Variants in EPHA6 observed in about 807,000 individuals in gnomAD.
The protein encoded by EPHA6 is ephrin type-A receptor 6.
A neutral mutation model predicts 112.0 loss-of-function variants in EPHA6; 50 were observed. That is an observed-to-expected ratio of 0.45 (90% confidence interval 0.36 to 0.56). The LOEUF is 0.56. Among genes scored for constraint, EPHA6 ranks in the 20% least tolerant of loss-of-function variants. The pLI, the probability that EPHA6 is intolerant of heterozygous loss-of-function variation, is 0.00. For synonymous variants in EPHA6, 529 were observed against 490.7 expected (o/e 1.08, Z -1.03); for missense variants, 1,280 against 1,417.4 (o/e 0.90, Z 1.56).
At chr3:96,903,433 T>C (rs2038732534) in intron 2 of EPHA6, among the ~76,000 whole-genome samples, 1 of 152,194 alleles carries the variant, frequency 6.6e-6, no homozygotes, top group South Asian at 2.1e-4. Context: ...GTGTAATTTT[T>C]ATATTAACAA....
chr3:97,162,775 G>C (rs75267025), intron 3 of EPHA6, among the ~76,000 whole-genome samples: 2,253 of 152,232 alleles, frequency 0.015, 60 homozygotes, highest in African/African-American at 0.051. Context: ...AATTGATTGA[G>C]AGAGCATGAC....
chr3:97,238,784 A>G (rs1170081105), intron 4 of EPHA6, among the ~76,000 whole-genome samples: 1 of 151,858 alleles, frequency 6.6e-6, no homozygotes, highest in Non-Finnish European at 1.5e-5. Context: ...TCAGAGAGCA[A>G]AAGGCGGTAA....
chr3:97,644,937 T>A lies in EPHA6; in HGVS notation c.2784+6855T>A, dbSNP rs1195977661. ...AGGGAATCCTCCCTAACTCATTTTA[T>A]GAGGCCAGCATCATTCTGATACCAA... On this transcript the variant is annotated intron_variant, in intron 14 of 17. Coordinates refer to ENST00000389672, the MANE Select transcript of EPHA6 (RefSeq NM_001080448.3). Among the ~76,000 whole-genome samples, 5 of 152,156 alleles carry A rather than the reference T, an allele frequency of 3.3e-5. No individual in the cohort carries two copies. In the South Asian group the frequency reaches 8.3e-4, roughly 25 times the overall value.
In EPHA6 at chr3:97,100,941, T is replaced by C. The variant is rs189301082; in HGVS notation, c.1114+112948T>C. On this transcript the variant is annotated intron_variant, in intron 3 of 17. Transcript: ENST00000389672. ...AATAAGATAAATGATTAAAACAGCA[T>C]CTCTATTACAGAATGAAATAAAGAT... is the stretch of plus-strand genomic sequence containing the variant. 2.6e-5 allele frequency among the ~76,000 whole-genome samples: 4 copies of C among 152,100 alleles called. No homozygotes were observed. In the East Asian group the frequency reaches 7.7e-4, roughly 29 times the overall value.
intron 5 of EPHA6, among the ~76,000 whole-genome samples, chr3:97,344,487 C>T (rs2083446548): frequency 1.3e-5 from 2 of 152,104 alleles, no homozygotes; most frequent in Admixed American, 1.3e-4. Context: ...TTTTCTCTCT[C>T]TCCTCTCCAC....
At chr3:97,643,040 A>G (rs2094023506) in intron 14 of EPHA6, among the ~76,000 whole-genome samples, 1 of 152,156 alleles carries the variant, frequency 6.6e-6, no homozygotes, top group Non-Finnish European at 1.5e-5. Flanking sequence ...GCAGCCAGAG[A>G]GAAAGGTCGG....
intron 5 of EPHA6, among the ~76,000 whole-genome samples, chr3:97,311,046 G>A (rs577591703): frequency 1.3e-5 from 2 of 151,710 alleles, no homozygotes; most frequent in Admixed American, 1.3e-4. Flanking sequence ...GGTATTAGGT[G>A]CCATGGGACT....
intron 14 of EPHA6, among the ~76,000 whole-genome samples, chr3:97,654,812 G>A (rs1444330644): frequency 6.6e-6 from 1 of 151,754 alleles, no homozygotes; most frequent in African/African-American, 2.4e-5. Context: ...CAAAGGGCAT[G>A]GAAAAGAGTA....
chr3:96,855,328 A>T (rs1271250820), intron 1 of EPHA6, among the ~76,000 whole-genome samples: 4 of 152,200 alleles, frequency 2.6e-5, no homozygotes, highest in African/African-American at 9.6e-5. Flanking sequence ...ATAGGTTCCT[A>T]GGATCAGGAT....
At chr3:97,610,647 G>T (rs2093711653) in intron 12 of EPHA6, 146 bp from the exon 13 acceptor site, 2 of 677,290 alleles carry the variant, frequency 3.0e-6, no homozygotes, top group Non-Finnish European at 5.2e-6. Flanking sequence ...TGTATAATAT[G>T]AATACGTTTA....
intron 3 of EPHA6, among the ~76,000 whole-genome samples, chr3:97,000,088 C>A (rs193080851): frequency 6.6e-6 from 1 of 151,836 alleles, no homozygotes; most frequent in East Asian, 1.9e-4. Flanking sequence ...GGCCGGCCTT[C>A]CAAGTTATTG....
At chr3:97,540,956 G>A (rs2092840467) in intron 11 of EPHA6, among the ~76,000 whole-genome samples, 1 of 152,122 alleles carries the variant, frequency 6.6e-6, no homozygotes. Context: ...TTCGCATCCA[G>A]GAATTCAGGA....
chr3:97,226,518 T>TGATAATGCAAG, intron 4 of EPHA6, 99 bp downstream of exon 4: 2 of 1,092,462 alleles, frequency 1.8e-6, no homozygotes, highest in Non-Finnish European at 2.6e-6. Flanking sequence ...AATCTTGCAT[T>TGATAATGCAAG]ATCAATGCCA....
intron 2 of EPHA6, among the ~76,000 whole-genome samples, chr3:96,971,446 A>G (rs1298358941): frequency 6.6e-6 from 1 of 152,114 alleles, no homozygotes; most frequent in Non-Finnish European, 1.5e-5. Context: ...TTCTTGTTTT[A>G]TTCTCCAAAG....
At chr3:97,081,566 C>A (rs913527996) in intron 3 of EPHA6, among the ~76,000 whole-genome samples, 1 of 151,772 alleles carries the variant, frequency 6.6e-6, no homozygotes, top group African/African-American at 2.4e-5. Context: ...CACACTTATA[C>A]AGTTCTGGTG....
intron 2 of EPHA6, among the ~76,000 whole-genome samples, chr3:96,900,047 A>C: frequency 6.6e-6 from 1 of 152,212 alleles, no homozygotes; most frequent in East Asian, 1.9e-4. Context: ...AAAGTATTAC[A>C]CAGGCCGTTT....
intron 15 of EPHA6, among the ~76,000 whole-genome samples, chr3:97,729,089 T>C (rs2034913029): frequency 6.6e-6 from 1 of 151,964 alleles, no homozygotes; most frequent in Non-Finnish European, 1.5e-5. Flanking sequence ...AAGAAGAAAA[T>C]CTGAAAAAGA....
chr3:97,671,838 A>G (rs2030868702), intron 14 of EPHA6, among the ~76,000 whole-genome samples: 1 of 152,152 alleles, frequency 6.6e-6, no homozygotes, highest in Non-Finnish European at 1.5e-5. Context: ...TCAAAAAGAA[A>G]AAAAAAAGCA....
chr3:96,845,463 G>T (rs1447883353), intron 1 of EPHA6, among the ~76,000 whole-genome samples: 1 of 151,874 alleles, frequency 6.6e-6, no homozygotes, highest in African/African-American at 2.4e-5. Context: ...ATGATGCCTC[G>T]CTGCTGATGT....
Sources: allele counts gnomAD v4.1 joint callset (sites outside exome capture counted in the v4.1 genomes callset), GRCh38; gene constraint gnomAD v4.1.1; transcripts MANE v1.5; gene names NCBI Gene and HGNC (gene_info 2026-07-23, HGNC 2026-07-21).